Variants in JRK observed in about 807,000 individuals in gnomAD.
The protein encoded by JRK is Jrk helix-turn-helix protein, also known as jerky protein homolog.
For missense variants in JRK, 720 were observed against 509.2 expected (o/e 1.41, Z -3.98); for synonymous variants, 303 against 218.1 (o/e 1.39, Z -3.43).
At position 142,662,630 on chromosome 8, in the gene JRK, C is replaced by G; in HGVS notation, c.*1722G>C. 4.1e-6 allele frequency: 4 copies of G among 985,374 alleles called. No homozygotes were observed. Among genetic ancestry groups the G allele is most frequent in the Non-Finnish European group, 4.8e-6 (4 of 829,938 alleles). The allele number at this position is 985,374 out of a possible 1,614,324, so 61.0% of individuals were successfully genotyped here. On this transcript the variant is annotated 3_prime_UTR_variant, in exon 2 of 2. Coordinates refer to ENST00000612905, the MANE Select transcript of JRK (RefSeq NM_003724.4). ...ACATGCATTCAAAGCAAGAAACACA[C>G]ACTTCCAGGACATAGATAGGGCTCT...
At position 142,657,708 on chromosome 8, in the gene JRK, C is replaced by T. The variant is rs1192003956; in HGVS notation, c.*6644G>A. 1 of 152,200 alleles carries T rather than the reference C, an allele frequency of 6.6e-6. No homozygotes were observed. Among genetic ancestry groups the T allele is most frequent in the East Asian group, 1.9e-4 (1 of 5,192 alleles). The allele number at this position is 152,200 out of a possible 1,614,324, so 9.4% of individuals were successfully genotyped here. On this transcript the variant is annotated 3_prime_UTR_variant, in exon 2 of 2. Transcript: ENST00000612905. ...TCACTTGTTACCACAAAGATGGCAC[C>T]AGGCTATTCATGAAGGATCCATCCC...
Position 142,664,188 on chromosome 8 carries a change from C to G in JRK, c.*164G>C. On this transcript the variant is annotated 3_prime_UTR_variant, in exon 2 of 2. Coordinates refer to ENST00000612905, the MANE Select transcript of JRK (RefSeq NM_003724.4). Reference sequence around the variant, plus strand: ...ATTGACAGGAACCTCGGGCACAGACCGTCCTGGGCACCCGAGCCACACCCG... The same window carrying G: ...ATTGACAGGAACCTCGGGCACAGACGGTCCTGGGCACCCGAGCCACACCCG... 2 of 1,382,952 alleles carry G rather than the reference C, an allele frequency of 1.4e-6. No individual in the cohort carries two copies. The highest frequency in any genetic ancestry group is 2.0e-5 in the South Asian group (1 of 50,598). The allele number at this position is 1,382,952 out of a possible 1,614,324, so 85.7% of individuals were successfully genotyped here. A position where few individuals can be genotyped will look rare whatever the true frequency, so the allele number is the denominator to read the frequency against.
At chr8:142,645,734 A>G in the JRK span, among the ~76,000 whole-genome samples, 4 of 152,100 alleles carry the variant, frequency 2.6e-5, no homozygotes, top group African/African-American at 4.8e-5. Context: ...CAGACCATTC[A>G]TGACATGCTT....
chr8:142,662,632 C>A lies in JRK; in HGVS notation c.*1720G>T. On this transcript the variant is annotated 3_prime_UTR_variant, in exon 2 of 2. Transcript: ENST00000612905. ...ATGCATTCAAAGCAAGAAACACACA[C>A]TTCCAGGACATAGATAGGGCTCTGT... is the stretch of plus-strand genomic sequence containing the variant. 1 of 985,394 alleles carries A rather than the reference C, an allele frequency of 1.0e-6. No homozygotes were observed. The highest frequency in any genetic ancestry group is 1.2e-6 in the Non-Finnish European group (1 of 829,940). 61.0% of individuals were successfully genotyped at this position (985,394 alleles called of 1,614,324 possible). A position where few individuals can be genotyped will look rare whatever the true frequency, so the allele number is the denominator to read the frequency against.
Position 142,665,920 on chromosome 8 carries a change from C to T in JRK, c.139G>A (p.Val47Met), listed in dbSNP as rs1847111758. The change falls in exon 2 of 2, where the codon GTG (valine) becomes ATG (methionine). Residue 47 changes from valine (V) to methionine (M), a missense_variant. Transcript: ENST00000612905. ...ATGTCGTAGAGGGTGGACATGCCCA[C>T]ATTGTACTCCTGCATCAGTGCCTTC... The part of the protein sequence containing the change: ...SRKALMQEYN[V>M]GMSTLYDIRA... 1 of 808,966 alleles carries T rather than the reference C, an allele frequency of 1.2e-6. No individual in the cohort carries two copies. The highest frequency in any genetic ancestry group is 1.7e-5 in the African/African-American group (1 of 59,660). 50.1% of individuals were successfully genotyped at this position (808,966 alleles called of 1,614,324 possible).
At chr8:142,651,522 T>C in the JRK span, among the ~76,000 whole-genome samples, 3 of 147,920 alleles carry the variant, frequency 2.0e-5, no homozygotes, top group African/African-American at 5.0e-5. Context: ...CCTTAAGTAA[T>C]GAAAATCAAA....
At chr8:142,647,684 A>G in the JRK span, among the ~76,000 whole-genome samples, 1 of 152,206 alleles carries the variant, frequency 6.6e-6, no homozygotes, top group Non-Finnish European at 1.5e-5. Flanking sequence ...TAAATTGCCC[A>G]GTCTGGGGTA....
At chr8:142,645,370 T>G in the JRK span, among the ~76,000 whole-genome samples, 6 of 152,120 alleles carry the variant, frequency 3.9e-5, no homozygotes, top group African/African-American at 1.4e-4. Context: ...ATAAAAGTTT[T>G]TGGTTTTTAA....
At chr8:142,647,321 C>T in the JRK span, among the ~76,000 whole-genome samples, 5 of 151,906 alleles carry the variant, frequency 3.3e-5, no homozygotes, top group Admixed American at 2.0e-4. Flanking sequence ...GGGGAGGCAG[C>T]GGAAGTTGTA....
At chr8:142,648,162 G>A in the JRK span, among the ~76,000 whole-genome samples, 1 of 152,188 alleles carries the variant, frequency 6.6e-6, no homozygotes, top group Non-Finnish European at 1.5e-5. Context: ...GTTTTATAAG[G>A]GAAAGAGAGC....
At chr8:142,644,972 G>A in the JRK span, among the ~76,000 whole-genome samples, 2 of 152,164 alleles carry the variant, frequency 1.3e-5, no homozygotes, top group Admixed American at 1.3e-4. Flanking sequence ...TGACATTAAT[G>A]ATTTATTTAT....
chr8:142,646,149 AAATT>A, the JRK span, among the ~76,000 whole-genome samples: 3 of 152,316 alleles, frequency 2.0e-5, no homozygotes, highest in South Asian at 2.1e-4. Flanking sequence ...TTGTTCACCT[AAATT>A]ATTTATGAAA....
the JRK span, among the ~76,000 whole-genome samples, chr8:142,644,411 C>T: frequency 6.6e-6 from 1 of 152,100 alleles, no homozygotes; most frequent in Non-Finnish European, 1.5e-5. Flanking sequence ...GATTTGGGAA[C>T]ACATACCAAT....
In JRK at chr8:142,665,531, G is replaced by A. The variant is rs587730294; in HGVS notation, c.528C>T (p.His176=). Residue 176 remains histidine (H), a synonymous_variant, in exon 2 of 2, where the codon CAC becomes CAT. Coordinates refer to ENST00000612905, the MANE Select transcript of JRK (RefSeq NM_003724.4). ...CAFFRSLAAE[H]GLSAEQVYNA... ...TGTAAACCTGCTCGGCGGACAGCCC[G>A]TGCTCAGCAGCCAAGCTCCTGAAAA... The A allele has an allele frequency of 1.1e-5, 8 of 718,378 alleles. No homozygotes were observed. The highest frequency in any genetic ancestry group is 6.0e-5 in the Admixed American group (3 of 50,026). The allele number at this position is 718,378 out of a possible 1,614,324, so 44.5% of individuals were successfully genotyped here.
At chr8:142,668,439 G>A (rs1045322420) in intron 1 of JRK, among the ~76,000 whole-genome samples, 7 of 152,134 alleles carry the variant, frequency 4.6e-5, no homozygotes, top group African/African-American at 2.4e-5. Flanking sequence ...ACGTGTGTGC[G>A]GTCTGGCACA....
At position 142,663,797 on chromosome 8, in the gene JRK, G is replaced by C. The variant is rs587697804; in HGVS notation, c.*555C>G. 18 of 985,968 alleles carry C rather than the reference G, an allele frequency of 1.8e-5. No homozygotes were observed. Among genetic ancestry groups the C allele is most frequent in the South Asian group, 4.7e-5 (1 of 21,302 alleles). 61.1% of individuals were successfully genotyped at this position (985,968 alleles called of 1,614,324 possible). The stretch of plus-strand genomic sequence containing the variant: ...AGTGAGATGTGCGGCCTGTTCAGCC[G>C]CTAGCAGGCCAAGAACTGAGTCCCA... On this transcript the variant is annotated 3_prime_UTR_variant, in exon 2 of 2. Coordinates refer to ENST00000612905, the MANE Select transcript of JRK (RefSeq NM_003724.4).
In JRK at chr8:142,659,791, G is replaced by A; in HGVS notation, c.*4561C>T. 1.0e-6 allele frequency: 1 copy of A among 985,562 alleles called. No individual in the cohort carries two copies. The highest frequency in any genetic ancestry group is 1.2e-6 in the Non-Finnish European group (1 of 830,020). The allele number at this position is 985,562 out of a possible 1,614,324, so 61.1% of individuals were successfully genotyped here. ...GTGAGCAGTGGAGAACGTGAGGCTG[G>A]TCATTAGGAGCAGGTAGCCCTGGGT... On this transcript the variant is annotated 3_prime_UTR_variant, in exon 2 of 2. Coordinates refer to ENST00000612905, the MANE Select transcript of JRK (RefSeq NM_003724.4).
At position 142,662,858 on chromosome 8, in the gene JRK, T is replaced by C. The variant is rs782428348; in HGVS notation, c.*1494A>G. On this transcript the variant is annotated 3_prime_UTR_variant, in exon 2 of 2. Transcript: ENST00000612905. ...CAAGGGCAAAGCACTGAAAATAACA[T>C]AGCAAGAAAAACCTATTTAGGCCGA... The C allele has an allele frequency of 1.9e-5, 19 of 985,132 alleles. No homozygotes were observed. Among genetic ancestry groups the C allele is most frequent in the Non-Finnish European group, 2.2e-5 (18 of 829,860 alleles). 61.0% of individuals were successfully genotyped at this position (985,132 alleles called of 1,614,324 possible). A position where few individuals can be genotyped will look rare whatever the true frequency, so the allele number is the denominator to read the frequency against.
chr8:142,668,322 G>A (rs1349261683), intron 1 of JRK, among the ~76,000 whole-genome samples: 1 of 152,222 alleles, frequency 6.6e-6, no homozygotes, highest in African/African-American at 2.4e-5. Flanking sequence ...CTTGTTGGCT[G>A]CCACCTCTGG....
Sources: allele counts gnomAD v4.1 joint callset (sites outside exome capture counted in the v4.1 genomes callset), GRCh38; gene constraint gnomAD v4.1.1; transcripts MANE v1.5; gene names NCBI Gene and HGNC (gene_info 2026-07-23, HGNC 2026-07-21).